NCOA3: variants seen among roughly 807,000 people sequenced by gnomAD.
NCOA3 encodes CBP-interacting protein.
A neutral mutation model predicts 158.8 loss-of-function variants in NCOA3; 51 were observed. That is an observed-to-expected ratio of 0.32 (90% CI 0.26 to 0.41). The LOEUF (loss-of-function observed/expected upper bound fraction) is 0.41, where lower values mean the gene tolerates loss of function less well. Among genes scored for constraint, NCOA3 ranks in the 10% least tolerant of loss-of-function variants. The pLI is 1.00. For missense variants in NCOA3, 1,510 were observed against 1,746.6 expected (o/e 0.86, Z 2.41); for synonymous variants, 537 against 592.4 (o/e 0.91, Z 1.36).
At position 47,567,872 on chromosome 20, in the gene NCOA3, A is replaced by G. The variant is rs528735805; in HGVS notation, c.-98-15311A>G. ...AGGTGTGAGCCACCGTGCCAGGCCA[A>G]TTATTTTACTTTCTTTTTGTAGAGA... On this transcript the variant is annotated intron_variant, in intron 1 of 22. Coordinates refer to ENST00000371998, the MANE Select transcript of NCOA3 (RefSeq NM_181659.3). 8.6e-5 allele frequency among the ~76,000 whole-genome samples: 13 copies of G among 151,824 alleles called. No homozygotes were observed. In the South Asian group the frequency reaches 2.3e-3, roughly 27 times the overall value.
At chr20:47,532,316 G>A (rs1255550422) in intron 1 of NCOA3, among the ~76,000 whole-genome samples, 4 of 152,094 alleles carry the variant, frequency 2.6e-5, no homozygotes, top group Admixed American at 6.6e-5. Flanking sequence ...AGCATTCTTA[G>A]TGAATTTGAA....
intron 1 of NCOA3, among the ~76,000 whole-genome samples, chr20:47,539,761 GT>G (rs2084692306): frequency 6.6e-6 from 1 of 152,208 alleles, no homozygotes; most frequent in Admixed American, 6.5e-5. Context: ...CTGGCCTCAA[GT>G]GATCCGCCTG....
intron 1 of NCOA3, among the ~76,000 whole-genome samples, chr20:47,530,101 G>A (rs2084521060): frequency 6.6e-6 from 1 of 152,186 alleles, no homozygotes; most frequent in Non-Finnish European, 1.5e-5. Flanking sequence ...AATGAGCAGT[G>A]CATATATTTT....
chr20:47,562,656 T>C (rs1477263640), intron 1 of NCOA3, among the ~76,000 whole-genome samples: 1 of 152,172 alleles, frequency 6.6e-6, no homozygotes, highest in African/African-American at 2.4e-5. Flanking sequence ...GGAATGTATA[T>C]AAATCACAAC....
rs539253736 is a variant in NCOA3, at chr20:47,629,317, G to A, written c.823+1294G>A. Reference sequence around the variant, plus strand: ...CAATTCACAGTATAATCTTGTTTACGCTGATGGATGTTACTTTTTTTTTTT... The same window carrying A: ...CAATTCACAGTATAATCTTGTTTACACTGATGGATGTTACTTTTTTTTTTT... On this transcript the variant is annotated intron_variant, in intron 8 of 22. Transcript: ENST00000371998. 3.3e-5 allele frequency among the ~76,000 whole-genome samples: 5 copies of A among 151,380 alleles called. No homozygotes were observed. The East Asian group carries it at 7.7e-4, about 23-fold the overall frequency.
chr20:47,626,060 A>C (rs2086317161), intron 5 of NCOA3, among the ~76,000 whole-genome samples: 1 of 152,250 alleles, frequency 6.6e-6, no homozygotes, highest in Non-Finnish European at 1.5e-5. Context: ...CCTTACACAG[A>C]TACTGGGGTA....
chr20:47,511,362 C>T (rs1477295805), intron 1 of NCOA3, among the ~76,000 whole-genome samples: 1 of 146,948 alleles, frequency 6.8e-6, no homozygotes, highest in African/African-American at 2.5e-5. Context: ...GTTTTCCTGC[C>T]TCTGCCTCCC....
chr20:47,593,122 G>T (rs1243109586), intron 2 of NCOA3, among the ~76,000 whole-genome samples: 2 of 151,948 alleles, frequency 1.3e-5, no homozygotes, highest in African/African-American at 4.8e-5. Flanking sequence ...TTGTAGAGAT[G>T]GAGTTTCACC....
chr20:47,610,669 CAG>C (rs2086028096), intron 2 of NCOA3, among the ~76,000 whole-genome samples: 1 of 152,218 alleles, frequency 6.6e-6, no homozygotes. Context: ...TCTTGTGAGT[CAG>C]ACTTGCCGTG....
rs1413162343 is a variant in NCOA3, at chr20:47,525,794, G to A, written c.-99+23775G>A. 7.0e-4 allele frequency among the ~76,000 whole-genome samples: 79 copies of A among 113,144 alleles called. 2 individuals carry two copies. Among genetic ancestry groups the A allele is most frequent in the Admixed American group, 6.4e-3 (78 of 12,246 alleles). The allele number at this position is 113,144 out of a possible 152,430, so 74.2% of individuals were successfully genotyped here. A position where few individuals can be genotyped will look rare whatever the true frequency, so the allele number is the denominator to read the frequency against. On this transcript the variant is annotated intron_variant, in intron 1 of 22. Coordinates refer to ENST00000371998, the MANE Select transcript of NCOA3 (RefSeq NM_181659.3). ...CCCCCACCTCCCTCCCAGACGGGGC[G>A]GCTGGCCGGGCAGAGGGGCTCCTCA...
chr20:47,598,164 G>A (rs2085793812), intron 2 of NCOA3, among the ~76,000 whole-genome samples: 1 of 146,438 alleles, frequency 6.8e-6, no homozygotes, highest in Non-Finnish European at 1.5e-5. Context: ...GGAGAATGGC[G>A]TGAATGTGGG....
Position 47,656,701 on chromosome 20 carries a change from A to G in NCOA3, c.*3284A>G, listed in dbSNP as rs1389135192. On this transcript the variant is annotated 3_prime_UTR_variant, in exon 23 of 23. Coordinates refer to ENST00000371998, the MANE Select transcript of NCOA3 (RefSeq NM_181659.3). The stretch of plus-strand genomic sequence containing the variant: ...TCTCAGGAATTGACTTATACTCTTG[A>G]GAATGAATTCAGTTTCAATCAAGTT... 1 of 152,620 alleles carries G rather than the reference A, an allele frequency of 6.6e-6. No homozygotes were observed. The highest frequency in any genetic ancestry group is 1.5e-5 in the Non-Finnish European group (1 of 68,036). 9.5% of individuals were successfully genotyped at this position (152,620 alleles called of 1,614,324 possible).
chr20:47,513,041 C>G (rs1024482436), intron 1 of NCOA3, among the ~76,000 whole-genome samples: 16 of 151,986 alleles, frequency 1.1e-4, no homozygotes, highest in Non-Finnish European at 1.6e-4. Context: ...GCCTGTAACC[C>G]CAGCTTCTCA....
intron 16 of NCOA3, 34 bp from the exon 17 acceptor site, chr20:47,642,178 AG>A: frequency 6.7e-7 from 1 of 1,491,352 alleles, no homozygotes; most frequent in Non-Finnish European, 9.0e-7. Flanking sequence ...AAAAAAAAAA[AG>A]CACCATTGAC....
chr20:47,525,632 CCCGGACGGGGCGGCTGG>C (rs1170620124), intron 1 of NCOA3, among the ~76,000 whole-genome samples: 9 of 139,446 alleles, frequency 6.5e-5, no homozygotes, highest in Non-Finnish European at 1.4e-4. Context: ...CCACCTCCCT[CCCGGACGGGGCGGCTGG>C]CCGGACGGGG....
intron 1 of NCOA3, among the ~76,000 whole-genome samples, chr20:47,537,289 T>A (rs954937699): frequency 6.6e-6 from 1 of 152,176 alleles, no homozygotes; most frequent in Non-Finnish European, 1.5e-5. Flanking sequence ...GTTCTTTACT[T>A]GTAGCGTTGT....
At chr20:47,633,419 T>C (rs1318503947) in intron 8 of NCOA3, 77 bp from the exon 9 acceptor site, 7 of 1,356,412 alleles carry the variant, frequency 5.2e-6, no homozygotes, top group Non-Finnish European at 7.2e-6. Context: ...TATTCTCCAG[T>C]GCTAAGCCAT....
At chr20:47,544,599 T>C (rs1361929237) in intron 1 of NCOA3, among the ~76,000 whole-genome samples, 1 of 152,168 alleles carries the variant, frequency 6.6e-6, no homozygotes, top group Non-Finnish European at 1.5e-5. Flanking sequence ...TTTCTGTTGG[T>C]TTCTTACTTT....
chr20:47,631,412 T>C (rs1298250161), intron 8 of NCOA3: 1 of 152,372 alleles, frequency 6.6e-6, no homozygotes, highest in East Asian at 1.9e-4. Flanking sequence ...TTCTGCCACT[T>C]TTTGTAAGGC....
Sources: gnomAD v4.1 joint callset for allele counts (sites outside exome capture counted in the v4.1 genomes callset) on GRCh38, gnomAD v4.1.1 for gene constraint, MANE v1.5 for transcripts, NCBI Gene and HGNC (gene_info 2026-07-23, HGNC 2026-07-21) for gene names.